The following ACVR2A variants were observed in gnomAD, a reference collection of about 807,000 sequenced individuals.
The protein encoded by ACVR2A is activin A receptor type 2A.
ACVR2A carries 7 observed loss-of-function variants against 61.4 expected under a neutral mutation model. That is an observed-to-expected ratio of 0.11 (90% CI 0.06 to 0.21). The LOEUF is 0.21. ACVR2A is among the 10% of genes least tolerant of loss of function. The probability of loss-of-function intolerance (pLI) is 1.00; values close to 1 mark genes in which losing one functional copy is unlikely to be tolerated. For synonymous variants in ACVR2A, 193 were observed against 208.3 expected (o/e 0.93, Z 0.63); for missense variants, 322 against 621.7 (o/e 0.52, Z 5.13).
In ACVR2A at chr2:147,917,412, G is replaced by A. The variant is rs1262996267; in HGVS notation, c.802G>A (p.Ala268Thr). The change falls in exon 6 of 11, where the codon GCA (alanine) becomes ACA (threonine). Residue 268 changes from alanine (A) to threonine (T), a missense_variant. Ala to Thr is a moderately conservative substitution (Grantham distance 58). Around this residue, in one of 3 missense-constraint regions of ACVR2A, gnomAD observed 146 missense variants for 383.8 expected, o/e 0.38. Transcript: ENST00000241416. ...SVDVDLWLIT[A>T]FHEKGSLSDF... ...TGATGTGGATCTTTGGCTGATCACA[G>A]CATTTCATGAAAAGGTAAAACTACT... The A allele has an allele frequency of 6.2e-7, 1 of 1,611,692 alleles. No homozygotes were observed. The highest frequency in any genetic ancestry group is 1.3e-5 in the African/African-American group (1 of 74,742).
chr2:147,855,186 T>G (rs764759147), intron 1 of ACVR2A, among the ~76,000 whole-genome samples: 2 of 152,160 alleles, frequency 1.3e-5, no homozygotes, highest in African/African-American at 2.4e-5. Flanking sequence ...GGCCTATTTC[T>G]TATTTGTCCT....
chr2:147,914,684 T>C (rs1687207040), intron 4 of ACVR2A, among the ~76,000 whole-genome samples: 1 of 152,002 alleles, frequency 6.6e-6, no homozygotes, highest in Non-Finnish European at 1.5e-5. Flanking sequence ...CTATCTGCAA[T>C]GTGTTTAAGA....
At chr2:147,920,080 T>C in intron 7 of ACVR2A, 150 bp from the exon 8 acceptor site, 1 of 593,544 alleles carries the variant, frequency 1.7e-6, no homozygotes, top group Non-Finnish European at 3.0e-6. Context: ...CATGGGGCTC[T>C]GAGCTTTGTT....
At chr2:147,922,691 G>A (rs3820716) in intron 8 of ACVR2A, among the ~76,000 whole-genome samples, 71,743 of 151,718 alleles carry the variant, frequency 0.47, 17,430 homozygotes, top group Middle Eastern at 0.64. Flanking sequence ...CAAAGGTACA[G>A]TTGAAAAGTA....
chr2:147,915,996 C>T (rs10928370), intron 5 of ACVR2A, among the ~76,000 whole-genome samples: 136,114 of 151,800 alleles, frequency 0.9, 62,604 homozygotes, highest in East Asian at 1. Flanking sequence ...GCTCATGATA[C>T]CCTTGGTACT....
At chr2:147,911,721 A>T (rs997616366) in intron 4 of ACVR2A, among the ~76,000 whole-genome samples, 1 of 152,022 alleles carries the variant, frequency 6.6e-6, no homozygotes, top group African/African-American at 2.4e-5. Context: ...AGCTTTTATA[A>T]TTAAAATGTG....
intron 1 of ACVR2A, among the ~76,000 whole-genome samples, chr2:147,849,061 G>C (rs930143214): frequency 9.2e-5 from 14 of 152,134 alleles, no homozygotes; most frequent in African/African-American, 3.1e-4. Context: ...TTGATGAAAT[G>C]CTTGAGAATT....
chr2:147,865,973 A>T (rs1001825878), intron 1 of ACVR2A, among the ~76,000 whole-genome samples: 6 of 151,938 alleles, frequency 3.9e-5, no homozygotes, highest in Non-Finnish European at 8.8e-5. Flanking sequence ...GAGAGGGAGG[A>T]ATATTTTATG....
chr2:147,851,234 C>A (rs1685439243), intron 1 of ACVR2A, among the ~76,000 whole-genome samples: 1 of 152,058 alleles, frequency 6.6e-6, no homozygotes, highest in South Asian at 2.1e-4. Context: ...CATAAAAGGT[C>A]CTTCATCGTT....
intron 1 of ACVR2A, among the ~76,000 whole-genome samples, chr2:147,870,570 T>TA (rs1685987978): frequency 6.6e-6 from 1 of 152,266 alleles, no homozygotes; most frequent in East Asian, 1.9e-4. Context: ...CATTAACCCT[T>TA]ACGTCTTCAG....
intron 1 of ACVR2A, chr2:147,877,520 A>C (rs1686189808): frequency 6.6e-6 from 1 of 152,190 alleles, no homozygotes; most frequent in Non-Finnish European, 1.5e-5. Context: ...TGAAGAACAT[A>C]AGCAAAGAAA....
At chr2:147,889,318 ATGAGT>A (rs1381132970) in intron 1 of ACVR2A, among the ~76,000 whole-genome samples, 1 of 152,178 alleles carries the variant, frequency 6.6e-6, no homozygotes, top group East Asian at 1.9e-4. Flanking sequence ...GTCTCATAAA[ATGAGT>A]TGGGAAGTCT....
chr2:147,880,310 T>C (rs1055353735), intron 1 of ACVR2A, among the ~76,000 whole-genome samples: 1 of 152,138 alleles, frequency 6.6e-6, no homozygotes, highest in African/African-American at 2.4e-5. Flanking sequence ...GTATTGGGAT[T>C]ACAGGCATGA....
chr2:147,863,137 A>G (rs370418991), intron 1 of ACVR2A, among the ~76,000 whole-genome samples: 1 of 152,192 alleles, frequency 6.6e-6, no homozygotes, highest in African/African-American at 2.4e-5. Flanking sequence ...GGTATCTACT[A>G]TGCTAAAATA....
chr2:147,927,014 TTTA>T lies in ACVR2A; in HGVS notation c.1348-63_1348-61del. 4.7e-6 allele frequency: 7 copies of T among 1,483,132 alleles called. No homozygotes were observed. In the South Asian group the frequency reaches 8.9e-5, roughly 19 times the overall value. The allele number at this position is 1,483,132 out of a possible 1,614,324, so 91.9% of individuals were successfully genotyped here. ...AAAATAGCCATTTCTTCATGAAAAT[TTTA>T]TTGTTTCCTAATAGAAAACAAAAAC... On this transcript the variant is annotated intron_variant, in intron 10 of 10. Coordinates refer to ENST00000241416, the MANE Select transcript of ACVR2A (RefSeq NM_001616.5).
At chr2:147,880,540 C>T (rs1686274988) in intron 1 of ACVR2A, among the ~76,000 whole-genome samples, 1 of 152,070 alleles carries the variant, frequency 6.6e-6, no homozygotes, top group Non-Finnish European at 1.5e-5. Context: ...AGTTACTTGT[C>T]TATCATTCCT....
intron 1 of ACVR2A, among the ~76,000 whole-genome samples, chr2:147,881,619 GTGTGTGTGTGTGTGTGTGTGTGTA>G (rs202178038): frequency 0.011 from 1,200 of 113,684 alleles, 5 homozygotes; most frequent in South Asian, 0.04. Context: ...GTGTGTGTGT[GTGTGTGTGTGTGTGTGTGTGTGTA>G]TGTGTGTGTG....
At chr2:147,911,368 A>G (rs1687106654) in intron 4 of ACVR2A, among the ~76,000 whole-genome samples, 1 of 152,094 alleles carries the variant, frequency 6.6e-6, no homozygotes, top group Admixed American at 6.6e-5. Context: ...GTTTGTAAGG[A>G]AAGTGTTCCC....
intron 7 of ACVR2A, among the ~76,000 whole-genome samples, chr2:147,919,549 A>G (rs1687331358): frequency 6.6e-6 from 1 of 152,142 alleles, no homozygotes. Context: ...CTGCACATAA[A>G]TTTAACCACT....
Sources: gnomAD v4.1 joint callset for allele counts (sites outside exome capture counted in the v4.1 genomes callset) on GRCh38, gnomAD v4.1.1 for gene constraint, gnomAD v4.1.1 regional missense constraint, MANE v1.5 for transcripts, NCBI Gene and HGNC (gene_info 2026-07-23, HGNC 2026-07-21) for gene names.